TPRG1: variants seen among roughly 807,000 people sequenced by gnomAD.
TPRG1 encodes the protein tumor protein p63 regulated 1.
A neutral mutation model predicts 29.3 loss-of-function variants in TPRG1; 29 were observed. The observed-to-expected ratio is 0.99, with a 90% CI of 0.74 to 1.35. TPRG1 has a LOEUF of 1.35. Among genes scored for constraint, TPRG1 ranks in the 40% most tolerant of loss-of-function variants. The pLI is 0.00. For missense variants in TPRG1, 327 were observed against 335.0 expected (o/e 0.98, Z 0.19); for synonymous variants, 130 against 116.8 (o/e 1.11, Z -0.73).
Position 189,207,614 on chromosome 3 carries a change from T to A in TPRG1, c.210+20T>A, listed in dbSNP as rs1415345720. ...ACACGGGTAAATTTATTGGTTCTCT[T>A]AAATACTATATAAAAATTCACCCCA... On this transcript the variant is annotated intron_variant, in intron 2 of 5. Coordinates refer to ENST00000345063, the MANE Select transcript of TPRG1 (RefSeq NM_198485.4). The A allele has an allele frequency of 6.2e-7, 1 of 1,609,106 alleles. No homozygotes were observed. Among genetic ancestry groups the A allele is most frequent in the Admixed American group, 1.7e-5 (1 of 59,964 alleles).
intron 1 of TPRG1, chr3:189,207,077 G>A: frequency 1.2e-5 from 8 of 649,902 alleles, no homozygotes; most frequent in Non-Finnish European, 1.5e-5. Context: ...AAATTGTCTG[G>A]TAATTATTTT....
At chr3:189,124,577 CACAT>C (rs1196646236) in intron 1 of TPRG1, among the ~76,000 whole-genome samples, 1 of 151,338 alleles carries the variant, frequency 6.6e-6, no homozygotes, top group East Asian at 1.9e-4. Flanking sequence ...TACACACACA[CACAT>C]ACGTGTACAT....
intron 4 of TPRG1, among the ~76,000 whole-genome samples, chr3:189,303,203 A>C (rs1721102198): frequency 1.3e-5 from 2 of 152,214 alleles, no homozygotes; most frequent in African/African-American, 4.8e-5. Flanking sequence ...CTAGGTCTTA[A>C]AATCTGGGTG....
chr3:189,211,028 T>G (rs914890754), intron 2 of TPRG1, among the ~76,000 whole-genome samples: 2 of 152,144 alleles, frequency 1.3e-5, no homozygotes, highest in Non-Finnish European at 2.9e-5. Flanking sequence ...AAATAAAGAT[T>G]ATCACTGCCC....
intron 4 of TPRG1, among the ~76,000 whole-genome samples, chr3:189,262,370 C>T (rs181296638): frequency 4.6e-5 from 7 of 152,030 alleles, no homozygotes; most frequent in African/African-American, 1.2e-4. Flanking sequence ...GTGGAGGATG[C>T]ACTTCATGCT....
At chr3:189,242,210 T>G (rs1740725800) in intron 4 of TPRG1, among the ~76,000 whole-genome samples, 1 of 152,166 alleles carries the variant, frequency 6.6e-6, no homozygotes. Context: ...TTTATTATTT[T>G]ATAATGTAGT....
At chr3:189,123,087 C>T (rs900990019) in intron 1 of TPRG1, among the ~76,000 whole-genome samples, 25 of 152,198 alleles carry the variant, frequency 1.6e-4, no homozygotes, top group African/African-American at 4.8e-4. Flanking sequence ...TTTTTCTCTA[C>T]ATCTCTGCTA....
At chr3:189,020,431 T>A (rs1403355562) in intron 3 of TPRG1, among the ~76,000 whole-genome samples, 1 of 151,812 alleles carries the variant, frequency 6.6e-6, no homozygotes, top group Admixed American at 6.6e-5. Flanking sequence ...GTATGTTGTG[T>A]CTTTGTTCTC....
intron 4 of TPRG1, among the ~76,000 whole-genome samples, chr3:189,084,483 T>G (rs766545233): frequency 6.6e-6 from 1 of 152,232 alleles, no homozygotes; most frequent in African/African-American, 2.4e-5. Flanking sequence ...CTCATGTTTC[T>G]TTTCCTCTGA....
At chr3:189,103,876 A>G (rs1053468280) in intron 1 of TPRG1, among the ~76,000 whole-genome samples, 2 of 152,162 alleles carry the variant, frequency 1.3e-5, no homozygotes, top group South Asian at 4.1e-4. Context: ...ATCACGGCCC[A>G]TCACAGTTCC....
intron 5 of TPRG1, among the ~76,000 whole-genome samples, chr3:189,311,712 G>T (rs1352287327): frequency 6.6e-6 from 1 of 152,052 alleles, no homozygotes; most frequent in Non-Finnish European, 1.5e-5. Context: ...AGCTGTTATT[G>T]ACACTAAACT....
chr3:189,252,318 T>C (rs930124732), intron 4 of TPRG1, among the ~76,000 whole-genome samples: 30 of 152,138 alleles, frequency 2.0e-4, no homozygotes, highest in African/African-American at 6.7e-4. Flanking sequence ...AGCAATCTGA[T>C]CTCTCTTTCT....
intron 1 of TPRG1, chr3:189,207,069 A>G (rs1247323109): frequency 1.7e-6 from 1 of 596,608 alleles, no homozygotes; most frequent in African/African-American, 2.0e-5. Flanking sequence ...TTGAAGAGAA[A>G]TTGTCTGGTA....
Position 189,207,510 on chromosome 3 carries a change from A to G in TPRG1, c.126A>G (p.Ser42=). 1.2e-6 allele frequency: 2 copies of G among 1,614,054 alleles called. No homozygotes were observed. Among genetic ancestry groups the G allele is most frequent in the Non-Finnish European group, 8.5e-7 (1 of 1,179,958 alleles). The change falls in exon 2 of 6, where the codon TCA becomes TCG. Residue 42 remains serine (S), a synonymous_variant. Coordinates refer to ENST00000345063, the MANE Select transcript of TPRG1 (RefSeq NM_198485.4). The part of the protein sequence containing the change: ...EEEDPMPRQI[S]RQSSVTESTL... Reference sequence around the variant, plus strand: ...AGGACCCGATGCCAAGACAGATTTCAAGGCAGTCAAGTGTGACCGAATCAA... The same window carrying G: ...AGGACCCGATGCCAAGACAGATTTCGAGGCAGTCAAGTGTGACCGAATCAA...
intron 5 of TPRG1, among the ~76,000 whole-genome samples, chr3:189,162,888 G>A (rs1173266618): frequency 1.3e-5 from 2 of 152,138 alleles, no homozygotes; most frequent in African/African-American, 4.8e-5. Flanking sequence ...TATTTGTAAG[G>A]TGTTTACCGC....
rs865900880 is a variant in TPRG1 at position 189,021,254 on chromosome 3, G to A, written c.-659-2496G>A. 8.4e-3 allele frequency among the ~76,000 whole-genome samples: 1,267 copies of A among 150,996 alleles called. 9 individuals are homozygous for A. The highest frequency in any genetic ancestry group is 0.014 in the Admixed American group (208 of 15,146). On this transcript the variant is annotated intron_variant, in intron 3 of 10. Transcript: ENST00000433971. ...ACATTGAAAGTTAATATTGTTATGTGTGAATTTGATCCTGTCATTATGATG... is the reference window on the plus strand; with the variant it reads ...ACATTGAAAGTTAATATTGTTATGTATGAATTTGATCCTGTCATTATGATG...
chr3:189,144,696 G>A (rs1725014350), intron 3 of TPRG1, among the ~76,000 whole-genome samples: 1 of 144,254 alleles, frequency 6.9e-6, no homozygotes, highest in African/African-American at 2.5e-5. Context: ...CTGATTCATG[G>A]GTATTTTGAA....
At chr3:189,275,475 A>C (rs998013608) in intron 4 of TPRG1, among the ~76,000 whole-genome samples, 1 of 152,200 alleles carries the variant, frequency 6.6e-6, no homozygotes, top group Non-Finnish European at 1.5e-5. Context: ...GAAATAGTAT[A>C]AGACGAGACC....
chr3:189,254,823 T>G (rs28809523), intron 4 of TPRG1, among the ~76,000 whole-genome samples: 15,883 of 152,242 alleles, frequency 0.1, 1,137 homozygotes, highest in Non-Finnish European at 0.16. Context: ...GCTCTCTGTA[T>G]GTCTATTATT....
Sources: allele counts gnomAD v4.1 joint callset (sites outside exome capture counted in the v4.1 genomes callset), GRCh38; gene constraint gnomAD v4.1.1; transcripts MANE v1.5; gene names NCBI Gene and HGNC (gene_info 2026-07-23, HGNC 2026-07-21).